CDYL: variants seen among roughly 807,000 people sequenced by gnomAD.
CDYL encodes chromodomain Y like.
In CDYL, 8 loss-of-function variants were observed where a neutral mutation model predicts 47.3. That is an observed-to-expected ratio of 0.17 (90% CI 0.10 to 0.31). The LOEUF is 0.31. CDYL is among the 10% of genes least tolerant of loss of function. The pLI is 1.00. For synonymous variants in CDYL, 266 were observed against 265.0 expected (o/e 1.00, Z -0.04); for missense variants, 471 against 701.4 (o/e 0.67, Z 3.71).
rs556869476 is a variant in CDYL at position 4,710,026 on chromosome 6, G to C, written c.-39+3775G>C. Reference sequence around the variant, plus strand: ...GTCTGTGTTCAGGAGTTCAAGACCAGCCTGGCCAAAATAGTGAAACCCTGT... The same window carrying C: ...GTCTGTGTTCAGGAGTTCAAGACCACCCTGGCCAAAATAGTGAAACCCTGT... On this transcript the variant is annotated intron_variant, in intron 1 of 8. Coordinates refer to the CDYL transcript ENST00000328908. Among the ~76,000 whole-genome samples the C allele has an allele frequency of 2.0e-5, 3 of 152,116 alleles. No homozygotes were observed. The South Asian group carries it at 6.2e-4, about 32-fold the overall frequency.
chr6:4,837,935 A>G (rs62386591), intron 1 of CDYL, among the ~76,000 whole-genome samples: 12,281 of 146,098 alleles, frequency 0.084, 617 homozygotes, highest in South Asian at 0.15. Context: ...CAACAAACCC[A>G]GCTAATTTTT....
chr6:4,727,365 A>G (rs11758952), intron 2 of CDYL, among the ~76,000 whole-genome samples: 13,843 of 152,202 alleles, frequency 0.091, 734 homozygotes, highest in African/African-American at 0.13. Flanking sequence ...AACTCCTCTC[A>G]AACACTGTAA....
intron 3 of CDYL, among the ~76,000 whole-genome samples, chr6:4,755,554 C>CAG (rs571927287): frequency 0.012 from 1,759 of 152,292 alleles, 37 homozygotes; most frequent in African/African-American, 0.04. Flanking sequence ...AGATTACCCA[C>CAG]TGGATACTTC....
chr6:4,824,124 A>T (rs1434689282), intron 1 of CDYL, among the ~76,000 whole-genome samples: 1 of 152,208 alleles, frequency 6.6e-6, no homozygotes, highest in Non-Finnish European at 1.5e-5. Flanking sequence ...TTATGTATCC[A>T]TTCATCTTAG....
chr6:4,938,942 A>G (rs73717774), intron 4 of CDYL, among the ~76,000 whole-genome samples: 1,537 of 152,264 alleles, frequency 0.01, 27 homozygotes, highest in African/African-American at 0.035. Flanking sequence ...TTTTTCGGAG[A>G]TGAATTTTAT....
At chr6:4,773,090 C>T, upstream of CDYL, 13 of 457,140 alleles carry the variant, frequency 2.8e-5, 1 homozygote, top group South Asian at 1.7e-4. The surrounding 1 kb of genome is among the most constrained non-coding windows in gnomAD (Gnocchi z 4.6). Flanking sequence ...GTCTTATCGT[C>T]GGTAGAACTT....
intron 2 of CDYL, among the ~76,000 whole-genome samples, chr6:4,923,771 G>C (rs1281693484): frequency 6.6e-6 from 1 of 152,086 alleles, no homozygotes; most frequent in African/African-American, 2.4e-5. Context: ...CATGGTGGCG[G>C]GCGCCTGTAG....
chr6:4,772,296 T>C (rs6907313), upstream of CDYL, among the ~76,000 whole-genome samples: 33,534 of 152,092 alleles, frequency 0.22, 5,465 homozygotes, highest in African/African-American at 0.46. Flanking sequence ...TACTGGCTTC[T>C]ATATGAAAGA....
chr6:4,781,586 G>A (rs1009283730), intron 1 of CDYL, among the ~76,000 whole-genome samples: 9 of 152,182 alleles, frequency 5.9e-5, no homozygotes, highest in African/African-American at 2.2e-4. Context: ...CCCAGCAGCA[G>A]TGTGGAGACC....
chr6:4,782,720 C>A (rs1447997753), intron 1 of CDYL, among the ~76,000 whole-genome samples: 1 of 152,162 alleles, frequency 6.6e-6, no homozygotes, highest in Non-Finnish European at 1.5e-5. Context: ...TCATCTGATT[C>A]TCAGAGGGAT....
At chr6:4,889,315 C>T (rs1419885904) in intron 1 of CDYL, among the ~76,000 whole-genome samples, 1 of 152,052 alleles carries the variant, frequency 6.6e-6, no homozygotes, top group Non-Finnish European at 1.5e-5. Flanking sequence ...ACCTCCACCT[C>T]CTGGTTCAAG....
In CDYL at chr6:4,765,914, AAAT is replaced by A. The variant is rs1481874563; in HGVS notation, c.186+31077_186+31079del. 1.3e-4 allele frequency among the ~76,000 whole-genome samples: 20 copies of A among 152,276 alleles called. 1 individual carries two copies. In the East Asian group the frequency reaches 3.7e-3, roughly 28 times the overall value. On this transcript the variant is annotated intron_variant, in intron 3 of 8. Transcript: ENST00000328908. ...AAATGAATAACAAATAAAACAAAGG[AAAT>A]AATAATGATAGAAGTGTAATTAAAT...
intron 4 of CDYL, among the ~76,000 whole-genome samples, chr6:4,942,885 G>A (rs770013837): frequency 6.6e-5 from 10 of 152,334 alleles, no homozygotes; most frequent in Non-Finnish European, 8.8e-5. Flanking sequence ...GTACAGGCCT[G>A]AGCCCTGTGC....
At chr6:4,882,588 G>GA (rs1761792844) in intron 1 of CDYL, among the ~76,000 whole-genome samples, 1 of 152,210 alleles carries the variant, frequency 6.6e-6, no homozygotes. Flanking sequence ...TTTGGGAGAA[G>GA]AAGGGGTGGG....
chr6:4,881,252 A>G (rs777976044), intron 1 of CDYL, among the ~76,000 whole-genome samples: 2 of 150,700 alleles, frequency 1.3e-5, no homozygotes, highest in Non-Finnish European at 3.0e-5. Flanking sequence ...CCTCTTTTCC[A>G]CTTTCTTTGG....
intron 1 of CDYL, among the ~76,000 whole-genome samples, chr6:4,710,379 G>A (rs80346132): frequency 2.0e-3 from 202 of 101,244 alleles, no homozygotes; most frequent in Middle Eastern, 5.6e-3. Flanking sequence ...GAGGGAGGGA[G>A]GGAAGGAAGG....
intron 2 of CDYL, among the ~76,000 whole-genome samples, chr6:4,904,963 G>C (rs945165304): frequency 5.9e-5 from 9 of 152,086 alleles, no homozygotes; most frequent in African/African-American, 2.2e-4. Flanking sequence ...CACCTCCGCA[G>C]TGCCTGTGTG....
At chr6:4,723,552 G>A (rs2127410827) in intron 2 of CDYL, among the ~76,000 whole-genome samples, 1 of 152,280 alleles carries the variant, frequency 6.6e-6, no homozygotes, top group African/African-American at 2.4e-5. Flanking sequence ...AGGCAGAGGA[G>A]GCTGTCCAAC....
intron 3 of CDYL, among the ~76,000 whole-genome samples, chr6:4,754,380 A>G (rs1758044316): frequency 6.6e-6 from 1 of 152,210 alleles, no homozygotes; most frequent in Non-Finnish European, 1.5e-5. Context: ...TTAGCTTTGT[A>G]AGATCTCTTA....
Sources: gnomAD v4.1 joint callset for allele counts (sites outside exome capture counted in the v4.1 genomes callset) on GRCh38, gnomAD v4.1.1 for gene constraint, Gnocchi (gnomAD v3.1) non-coding constraint, MANE v1.5 for transcripts, NCBI Gene and HGNC (gene_info 2026-07-23, HGNC 2026-07-21) for gene names.